Variants in RAPGEF4 observed in about 807,000 individuals in gnomAD.
The protein encoded by RAPGEF4 is Rap guanine nucleotide exchange factor 4.
In RAPGEF4, 66 loss-of-function variants were observed where a neutral mutation model predicts 147.9. The ratio of observed to expected loss-of-function variants is 0.45; its 90% CI spans 0.37 to 0.55. The LOEUF (loss-of-function observed/expected upper bound fraction) is 0.55, where lower values mean the gene tolerates loss of function less well. Ranked by LOEUF, RAPGEF4 falls within the 20% of genes least tolerant of loss-of-function variation. The pLI is 0.00. For missense variants in RAPGEF4, 1,071 were observed against 1,257.3 expected, an observed-to-expected ratio of 0.85 and a Z score of 2.24; for synonymous variants, 419 against 442.7, an observed-to-expected ratio of 0.95 and a Z score of 0.67.
intron 6 of RAPGEF4, among the ~76,000 whole-genome samples, chr2:172,934,527 T>G (rs1196055761): frequency 6.6e-6 from 1 of 152,084 alleles, no homozygotes; most frequent in Admixed American, 6.5e-5. Flanking sequence ...AGATACAAAG[T>G]CCAAAAAGTC....
intron 26 of RAPGEF4, among the ~76,000 whole-genome samples, chr2:173,031,974 G>T (rs1054850938): frequency 6.6e-6 from 1 of 152,166 alleles, no homozygotes; most frequent in Non-Finnish European, 1.5e-5. Context: ...GACCACAAGA[G>T]CAGTGTGAGA....
intron 14 of RAPGEF4, among the ~76,000 whole-genome samples, 158 bp from the exon 15 acceptor site, chr2:172,990,652 C>T (rs1045339155): frequency 2.6e-5 from 4 of 152,206 alleles, no homozygotes; most frequent in Non-Finnish European, 4.4e-5. Flanking sequence ...ATCTGGTCCT[C>T]TCTCTGACCG....
At chr2:172,778,433 A>G (rs1684378263) in intron 1 of RAPGEF4, among the ~76,000 whole-genome samples, 1 of 152,166 alleles carries the variant, frequency 6.6e-6, no homozygotes, top group Admixed American at 6.5e-5. Context: ...CAATTAAGCT[A>G]AAATTAAGCA....
chr2:173,032,482 A>G (rs914887722), intron 26 of RAPGEF4, among the ~76,000 whole-genome samples: 1 of 152,240 alleles, frequency 6.6e-6, no homozygotes, highest in African/African-American at 2.4e-5. Context: ...AAGAGAACAG[A>G]TGACAGAGGT....
intron 1 of RAPGEF4, among the ~76,000 whole-genome samples, chr2:172,745,462 T>A (rs934227938): frequency 3.3e-5 from 5 of 152,080 alleles, no homozygotes; most frequent in African/African-American, 7.2e-5. Flanking sequence ...CTTTTTTTTT[T>A]AATTCATTCT....
At chr2:172,740,110 T>C (rs1362469457) in intron 1 of RAPGEF4, among the ~76,000 whole-genome samples, 1 of 152,188 alleles carries the variant, frequency 6.6e-6, no homozygotes, top group Non-Finnish European at 1.5e-5. Context: ...GTAGCTGCAA[T>C]GGAGACTGTG....
chr2:172,946,035 G>A (rs933377113), intron 6 of RAPGEF4, among the ~76,000 whole-genome samples: 24 of 152,164 alleles, frequency 1.6e-4, no homozygotes, highest in African/African-American at 2.6e-4. Flanking sequence ...TAAGTTTATA[G>A]CATATTAATA....
At chr2:172,832,710 A>T (rs1315021842) in intron 4 of RAPGEF4, among the ~76,000 whole-genome samples, 1 of 152,218 alleles carries the variant, frequency 6.6e-6, no homozygotes, top group East Asian at 1.9e-4. Flanking sequence ...AACTGTTTTC[A>T]TTTTGCTTCT....
In RAPGEF4 at chr2:173,014,458, C is replaced by A; in HGVS notation, c.1659-6C>A. ...TGGCTCAATTTCTTCCTTGACTCCT[C>A]GGCACCTACCACGCACAGCCTTCAC... On this transcript the variant is annotated splice_polypyrimidine_tract_variant and splice_region_variant and intron_variant, in intron 17 of 30. Coordinates refer to ENST00000397081, the MANE Select transcript of RAPGEF4 (RefSeq NM_007023.4). 2 of 1,613,576 alleles carry A rather than the reference C, an allele frequency of 1.2e-6. No homozygotes were observed.
rs556726270 is a variant in RAPGEF4 at position 172,968,276 on chromosome 2, C to T, written c.1004+832C>T. ...ACGCCCTCTGCCCCACAGCCAGCGT[C>T]GGCCAGCTGTGGATGTCAGCTCTGA... is the stretch of plus-strand genomic sequence containing the variant. On this transcript the variant is annotated intron_variant, in intron 10 of 30. Transcript: ENST00000397081. 8.5e-5 allele frequency among the ~76,000 whole-genome samples: 13 copies of T among 152,304 alleles called. No individual in the cohort carries two copies. In the South Asian group the frequency reaches 2.3e-3, roughly 27 times the overall value.
At chr2:173,019,978 TG>T (rs1173029659) in intron 22 of RAPGEF4, among the ~76,000 whole-genome samples, 5 of 152,248 alleles carry the variant, frequency 3.3e-5, no homozygotes, top group South Asian at 4.1e-4. Context: ...TAATGCTTTT[TG>T]GAGTGGGATT....
At chr2:172,785,065 T>A (rs1282087018) in intron 1 of RAPGEF4, among the ~76,000 whole-genome samples, 2 of 152,258 alleles carry the variant, frequency 1.3e-5, no homozygotes, top group African/African-American at 4.8e-5. Context: ...CCTCAGGTGA[T>A]CTGCCCGCCT....
intron 4 of RAPGEF4, among the ~76,000 whole-genome samples, chr2:172,892,077 C>T (rs897275053): frequency 6.6e-6 from 1 of 152,098 alleles, no homozygotes; most frequent in Non-Finnish European, 1.5e-5. Context: ...CAGTTCTCAG[C>T]CCTTTGCCCT....
At chr2:172,857,194 A>ACT (rs1644556779) in intron 4 of RAPGEF4, among the ~76,000 whole-genome samples, 1 of 152,032 alleles carries the variant, frequency 6.6e-6, no homozygotes, top group African/African-American at 2.4e-5. Flanking sequence ...ACACACACAC[A>ACT]CACACACAGA....
At chr2:172,830,786 AT>A (rs1244232772) in intron 4 of RAPGEF4, among the ~76,000 whole-genome samples, 8 of 152,072 alleles carry the variant, frequency 5.3e-5, no homozygotes, top group Non-Finnish European at 1.2e-4. Context: ...TGTTGTTATT[AT>A]TTTTATTTTA....
chr2:172,744,444 G>A (rs1430621949), intron 1 of RAPGEF4: 4 of 456,258 alleles, frequency 8.8e-6, no homozygotes, highest in Non-Finnish European at 1.8e-5. Flanking sequence ...TAATGCAAAC[G>A]TTGCGTGGTC....
At chr2:172,745,549 T>G (rs1412294167) in intron 1 of RAPGEF4, among the ~76,000 whole-genome samples, 2 of 152,140 alleles carry the variant, frequency 1.3e-5, no homozygotes, top group Non-Finnish European at 2.9e-5. Flanking sequence ...TTTGAGAAAT[T>G]TATTGATTTT....
At chr2:172,938,030 G>A (rs770907993) in intron 6 of RAPGEF4, among the ~76,000 whole-genome samples, 11 of 151,878 alleles carry the variant, frequency 7.2e-5, no homozygotes, top group Non-Finnish European at 5.9e-5. Context: ...ATATATTCTC[G>A]GCTCTAGTCC....
chr2:173,020,356 T>C (rs971140623), intron 22 of RAPGEF4, among the ~76,000 whole-genome samples: 1 of 152,206 alleles, frequency 6.6e-6, no homozygotes, highest in Non-Finnish European at 1.5e-5. Context: ...TCAGTAATTA[T>C]GGTTGCAGCA....
Sources: allele counts gnomAD v4.1 joint callset (sites outside exome capture counted in the v4.1 genomes callset), GRCh38; gene constraint gnomAD v4.1.1; transcripts MANE v1.5; gene names NCBI Gene and HGNC (gene_info 2026-07-23, HGNC 2026-07-21).